The following AGAP1 variants were observed in gnomAD, a reference collection of about 807,000 sequenced individuals.
AGAP1 encodes arf-GAP with GTPase, ANK repeat and PH domain-containing protein 1.
Under a neutral mutation model 105.3 loss-of-function variants are expected in AGAP1, and 29 were observed. The observed-to-expected ratio is 0.28, with a 90% CI of 0.21 to 0.38. AGAP1 has a LOEUF of 0.38. AGAP1 is among the 10% of genes least tolerant of loss of function. The pLI is 1.00. For missense variants in AGAP1, 998 were observed against 1,165.1 expected (o/e 0.86, Z 2.09); for synonymous variants, 509 against 485.9 (o/e 1.05, Z -0.63).
At chr2:235,605,496 G>A (rs992827855) in intron 1 of AGAP1, among the ~76,000 whole-genome samples, 1 of 152,150 alleles carries the variant, frequency 6.6e-6, no homozygotes, top group Admixed American at 6.5e-5. Flanking sequence ...GCATTATCTG[G>A]TACCCACCAT....
At chr2:235,852,220 C>A (rs1351773663) in intron 9 of AGAP1, among the ~76,000 whole-genome samples, 1 of 152,226 alleles carries the variant, frequency 6.6e-6, no homozygotes, top group Non-Finnish European at 1.5e-5. Context: ...AGCCGATTAC[C>A]CAATTTGAGC....
intron 1 of AGAP1, among the ~76,000 whole-genome samples, chr2:235,650,718 GAAA>G (rs1210884733): frequency 6.6e-6 from 1 of 152,154 alleles, no homozygotes; most frequent in Non-Finnish European, 1.5e-5. Flanking sequence ...TTCAGAGTAG[GAAA>G]AAGTGTGTTT....
chr2:235,557,392 A>G lies in AGAP1; in HGVS notation c.163+62543A>G, dbSNP rs758973013. On this transcript the variant is annotated intron_variant, in intron 1 of 17. Transcript: ENST00000304032. The surrounding 1 kb of genome is among the most constrained non-coding windows in gnomAD (Gnocchi z 4.7). ...CCATGTATCGCCGTTGGGAAGGGAA[A>G]TCACTCCGAAGACGGTGATGCTGGG... Among the ~76,000 whole-genome samples, 1 of 152,122 alleles carries G rather than the reference A, an allele frequency of 6.6e-6. No homozygotes were observed. Among genetic ancestry groups the G allele is most frequent in the African/African-American group, 2.4e-5 (1 of 41,414 alleles).
intron 1 of AGAP1, among the ~76,000 whole-genome samples, chr2:235,537,346 G>C (rs1275490702): frequency 6.6e-6 from 1 of 152,138 alleles, no homozygotes; most frequent in Non-Finnish European, 1.5e-5. Context: ...AAAGGCAGAG[G>C]CCCTGAGGAA....
rs1350123210 is a variant in AGAP1, at chr2:235,665,106, C to T, written c.164-44073C>T. On this transcript the variant is annotated intron_variant, in intron 1 of 17. Coordinates refer to ENST00000304032, the MANE Select transcript of AGAP1 (RefSeq NM_001037131.3). This position sits in a 1 kb window ranked among gnomAD's most constrained non-coding sequence, Gnocchi z 5.3. ...GGGGTGGTGACATGTGCCTGTGGTC[C>T]CAGCTATTCAGGAGGCAGGAGGATC... is the stretch of plus-strand genomic sequence containing the variant. Among the ~76,000 whole-genome samples the T allele has an allele frequency of 2.0e-5, 3 of 152,024 alleles. No individual in the cohort carries two copies. Among genetic ancestry groups the T allele is most frequent in the Middle Eastern group, 6.8e-3 (2 of 294 alleles).
chr2:235,569,302 G>A lies in AGAP1; in HGVS notation c.163+74453G>A, dbSNP rs368970709. Among the ~76,000 whole-genome samples, 13 of 152,206 alleles carry A rather than the reference G, an allele frequency of 8.5e-5. No individual in the cohort carries two copies. The highest frequency in any genetic ancestry group is 1.9e-4 in the East Asian group (1 of 5,162). Reference sequence around the variant, plus strand: ...TGCACTCCAGCCTGGGCGACAGAGCGAGACACCATCTCAAAAAAAAGGATC... The same window carrying A: ...TGCACTCCAGCCTGGGCGACAGAGCAAGACACCATCTCAAAAAAAAGGATC... On this transcript the variant is annotated intron_variant, in intron 1 of 17. Transcript: ENST00000304032. The surrounding 1 kb of genome is among the most constrained non-coding windows in gnomAD (Gnocchi z 5.9).
At chr2:236,075,749 G>A (rs1367598899) in intron 16 of AGAP1, among the ~76,000 whole-genome samples, 2 of 152,222 alleles carry the variant, frequency 1.3e-5, no homozygotes, top group Non-Finnish European at 2.9e-5. Context: ...GAGGTCTCAA[G>A]AGGAGCCTTT....
At chr2:235,770,200 C>T (rs986641827) in intron 6 of AGAP1, among the ~76,000 whole-genome samples, 19 of 150,014 alleles carry the variant, frequency 1.3e-4, no homozygotes, top group Non-Finnish European at 2.4e-4. Flanking sequence ...GGATCTCCGC[C>T]CACTGTAAGC....
At chr2:235,836,982 G>T (rs538853853) in intron 9 of AGAP1, among the ~76,000 whole-genome samples, 2 of 152,194 alleles carry the variant, frequency 1.3e-5, no homozygotes, top group African/African-American at 4.8e-5. Context: ...TGTTGGGTTG[G>T]GGGGGTTGTG....
rs552833704 is a variant in AGAP1, at chr2:236,051,648, G to A, written c.2114+2367G>A. Among the ~76,000 whole-genome samples the A allele has an allele frequency of 1.3e-5, 2 of 152,296 alleles. No homozygotes were observed. Among genetic ancestry groups the A allele is most frequent in the East Asian group, 3.9e-4 (2 of 5,164 alleles). ...AGCAGGAATGGGGGAGGCCCAAAGA[G>A]CAGAAGCAGGAAGGGCCTCTGAGCC... is the stretch of plus-strand genomic sequence containing the variant. On this transcript the variant is annotated intron_variant, in intron 16 of 17. Transcript: ENST00000304032. The surrounding 1 kb of genome is among the most constrained non-coding windows in gnomAD (Gnocchi z 5.9).
Position 235,888,913 on chromosome 2 carries a change from G to A in AGAP1, c.1155+5464G>A, listed in dbSNP as rs1169342772. Among the ~76,000 whole-genome samples, 2 of 152,168 alleles carry A rather than the reference G, an allele frequency of 1.3e-5. No individual in the cohort carries two copies. The highest frequency in any genetic ancestry group is 4.8e-5 in the African/African-American group (2 of 41,430). The stretch of plus-strand genomic sequence containing the variant: ...TCCTTTGCACACTGTGGAAGCAGGA[G>A]ACTGACCATTTCCTAACCTTGCCAA... On this transcript the variant is annotated intron_variant, in intron 10 of 17. Transcript: ENST00000304032. The surrounding 1 kb of genome is among the most constrained non-coding windows in gnomAD (Gnocchi z 4.8).
intron 1 of AGAP1, among the ~76,000 whole-genome samples, chr2:235,592,574 C>A (rs1486834828): frequency 6.6e-6 from 1 of 152,112 alleles, no homozygotes; most frequent in Non-Finnish European, 1.5e-5. Context: ...CCAATCAGGC[C>A]TTCCTTTCTT....
intron 13 of AGAP1, among the ~76,000 whole-genome samples, chr2:236,019,233 G>T (rs776929370): frequency 1.3e-5 from 2 of 152,306 alleles, no homozygotes; most frequent in African/African-American, 4.8e-5. Context: ...GCTGGGATGC[G>T]CCATTGCCTG....
At chr2:235,972,590 G>C (rs1163570708) in intron 13 of AGAP1, among the ~76,000 whole-genome samples, 8 of 152,186 alleles carry the variant, frequency 5.3e-5, no homozygotes, top group Admixed American at 3.3e-4. Context: ...GTCCGGCTGT[G>C]GTGACCGGGA....
chr2:235,582,204 G>A lies in AGAP1; in HGVS notation c.163+87355G>A, dbSNP rs971966217. ...TGTGAGCCCTGGAGCGCATGATTGT[G>A]GTTTTGACCCATTCTTGCCCCAGCT... On this transcript the variant is annotated intron_variant, in intron 1 of 17. Transcript: ENST00000304032. The surrounding 1 kb of genome is among the most constrained non-coding windows in gnomAD (Gnocchi z 4.7). 6.6e-6 allele frequency among the ~76,000 whole-genome samples: 1 copy of A among 152,158 alleles called. No individual in the cohort carries two copies. Among genetic ancestry groups the A allele is most frequent in the Non-Finnish European group, 1.5e-5 (1 of 68,026 alleles).
At chr2:236,049,672 T>TC (rs60261607) in intron 16 of AGAP1, 7,591 of 153,532 alleles carry the variant, frequency 0.049, 376 homozygotes, top group East Asian at 0.19. Context: ...GCTCTGTCGA[T>TC]CCCCCCCCCG....
At chr2:236,008,979 T>G (rs2056417337) in intron 13 of AGAP1, among the ~76,000 whole-genome samples, 1 of 152,226 alleles carries the variant, frequency 6.6e-6, no homozygotes, top group Non-Finnish European at 1.5e-5. Context: ...TTATTTTCCT[T>G]ACTGAACACG....
intron 1 of AGAP1, among the ~76,000 whole-genome samples, chr2:235,674,216 T>C (rs1460327063): frequency 1.3e-5 from 2 of 152,182 alleles, no homozygotes; most frequent in East Asian, 3.9e-4. Context: ...GTGTAAGGCT[T>C]GCAACTGATA....
Position 235,678,185 on chromosome 2 carries a change from T to C in AGAP1, c.164-30994T>C, listed in dbSNP as rs549522834. ...ATCTCACTCTTCCGGCTATTTCAGC[T>C]GCCAAACTAGAATCCCAACCTTCTG... is the stretch of plus-strand genomic sequence containing the variant. On this transcript the variant is annotated intron_variant, in intron 1 of 17. Coordinates refer to ENST00000304032, the MANE Select transcript of AGAP1 (RefSeq NM_001037131.3). Among the ~76,000 whole-genome samples the C allele has an allele frequency of 2.6e-5, 4 of 152,280 alleles. No individual in the cohort carries two copies. In the South Asian group the frequency reaches 8.3e-4, roughly 32 times the overall value.
Sources: gnomAD v4.1 joint callset for allele counts (sites outside exome capture counted in the v4.1 genomes callset) on GRCh38, gnomAD v4.1.1 for gene constraint, Gnocchi (gnomAD v3.1) non-coding constraint, MANE v1.5 for transcripts, NCBI Gene and HGNC (gene_info 2026-07-23, HGNC 2026-07-21) for gene names.